KIFAP3: variants seen among roughly 807,000 people sequenced by gnomAD.
The protein encoded by KIFAP3 is kinesin associated protein 3.
In KIFAP3, 68 loss-of-function variants were observed where a neutral mutation model predicts 106.5. The ratio of observed to expected loss-of-function variants is 0.64; its 90% CI spans 0.53 to 0.78. The LOEUF (loss-of-function observed/expected upper bound fraction) is 0.78. Ranked by LOEUF, KIFAP3 falls within the 30% of genes least tolerant of loss-of-function variation. KIFAP3 has a pLI of 0.00. For synonymous variants in KIFAP3, 320 were observed against 311.5 expected (o/e 1.03, Z -0.29); for missense variants, 780 against 941.8 (o/e 0.83, Z 2.25).
At chr1:169,945,559 A>G (rs1267466609) in intron 19 of KIFAP3, among the ~76,000 whole-genome samples, 1 of 152,204 alleles carries the variant, frequency 6.6e-6, no homozygotes, top group African/African-American at 2.4e-5. Flanking sequence ...ATAAAGTTAC[A>G]ATAAATTTGG....
At chr1:170,037,157 A>T (rs1168970634) in intron 5 of KIFAP3, among the ~76,000 whole-genome samples, 1 of 152,238 alleles carries the variant, frequency 6.6e-6, no homozygotes, top group Non-Finnish European at 1.5e-5. Flanking sequence ...AGGGAACACT[A>T]AAACAATTCC....
chr1:169,923,138 G>A, intron 19 of KIFAP3: 1 of 975,136 alleles, frequency 1.0e-6, no homozygotes, highest in Non-Finnish European at 1.2e-6. Context: ...TTTGTACTGA[G>A]CGATTCTGGA....
chr1:170,063,505 C>T (rs1261864051), intron 1 of KIFAP3, among the ~76,000 whole-genome samples: 1 of 152,158 alleles, frequency 6.6e-6, no homozygotes, highest in Admixed American at 6.5e-5. Context: ...TTGAAAAACC[C>T]TAACTTCCAA....
In KIFAP3 at chr1:169,982,307, G is replaced by C. The variant is rs112253089; in HGVS notation, c.1673-210C>G. 8.4e-3 allele frequency among the ~76,000 whole-genome samples: 1,275 copies of C among 152,206 alleles called. 23 individuals are homozygous for C. Among genetic ancestry groups the C allele is most frequent in the African/African-American group, 0.028 (1,159 of 41,520 alleles). On this transcript the variant is annotated intron_variant, in intron 14 of 19. Transcript: ENST00000361580. ...AGTGGGGGCAGGGGGCAGTAGAAAAGTGGAAATGAGCCTTTGAGAGTACAA... is the reference window on the plus strand; with the variant it reads ...AGTGGGGGCAGGGGGCAGTAGAAAACTGGAAATGAGCCTTTGAGAGTACAA...
intron 1 of KIFAP3, among the ~76,000 whole-genome samples, chr1:170,069,973 G>A (rs576661664): frequency 6.6e-6 from 1 of 152,162 alleles, no homozygotes; most frequent in Admixed American, 6.5e-5. Context: ...AGCAAAGTTG[G>A]AGAATAGATC....
At chr1:170,080,582 A>G (rs1258678270) in intron 1 of KIFAP3, among the ~76,000 whole-genome samples, 1 of 152,128 alleles carries the variant, frequency 6.6e-6, no homozygotes, top group Admixed American at 6.5e-5. Flanking sequence ...AATAAAAAAT[A>G]AAGAATAGAA....
chr1:170,045,893 T>A (rs989479642), intron 3 of KIFAP3, among the ~76,000 whole-genome samples: 2 of 152,130 alleles, frequency 1.3e-5, no homozygotes, highest in Non-Finnish European at 2.9e-5. Flanking sequence ...ACAGACAGGA[T>A]CTCTGACATT....
chr1:169,992,060 C>G lies in KIFAP3; in HGVS notation c.1284+95G>C, dbSNP rs1416686339. ...ATTTGTAGTATTATTAAGAAGAGAA[C>G]TTTTTTAGAGAGAAAATCTTGACAA... On this transcript the variant is annotated intron_variant, in intron 11 of 19. Transcript: ENST00000361580. The G allele has an allele frequency of 5.3e-5, 28 of 524,932 alleles. No individual in the cohort carries two copies. The Admixed American group carries it at 6.0e-4, about 11-fold the overall frequency. 32.5% of individuals were successfully genotyped at this position (524,932 alleles called of 1,614,324 possible). A position where few individuals can be genotyped will look rare whatever the true frequency, so the allele number is the denominator to read the frequency against.
rs1282866810 is a variant in KIFAP3, at chr1:169,982,733, C to T, written c.1641G>A (p.Leu547=). ...TTAGTTTATCCTTGAGGTATGGAAC[C>T]AACTTATATTCTTTAAGAACCAATT... ...DWELVLKEYK[L]VPYLKDKLKP... The change falls in exon 14 of 20, where the codon TTG becomes TTA. Residue 547 remains leucine (L), a synonymous_variant. Coordinates refer to ENST00000361580, the MANE Select transcript of KIFAP3 (RefSeq NM_014970.4). 1.4e-5 allele frequency: 23 copies of T among 1,607,536 alleles called. No individual in the cohort carries two copies. Among genetic ancestry groups the T allele is most frequent in the African/African-American group, 2.7e-5 (2 of 74,556 alleles).
chr1:169,978,260 T>A, intron 15 of KIFAP3, 77 bp from the exon 16 acceptor site: 1 of 934,920 alleles, frequency 1.1e-6, no homozygotes, highest in Non-Finnish European at 1.7e-6. Context: ...GGGAATAATA[T>A]AGAACGAGAA....
chr1:170,055,341 T>A lies in KIFAP3; in HGVS notation c.128A>T (p.Asp43Val). 4 of 1,609,000 alleles carry A rather than the reference T, an allele frequency of 2.5e-6. No individual in the cohort carries two copies. The highest frequency in any genetic ancestry group is 1.7e-6 in the Non-Finnish European group (2 of 1,178,642). Residue 43 changes from aspartate (D) to valine (V), a missense_variant, in exon 2 of 20, where the codon GAC becomes GTC. By Grantham distance (152) the Asp-to-Val change is radical (BLOSUM62 -3). Transcript: ENST00000361580. The part of the protein sequence containing the change: ...VEATILGEMG[D>V]PMLGERKECQ... The stretch of plus-strand genomic sequence containing the variant: ...TTCTTTTCGTTCTCCCAACATGGGG[T>A]CCCCCATTTCTCCAAGAATGGTAGC...
intron 1 of KIFAP3, among the ~76,000 whole-genome samples, chr1:170,067,191 A>G (rs1270303334): frequency 6.6e-6 from 1 of 152,206 alleles, no homozygotes; most frequent in East Asian, 1.9e-4. Context: ...AAGCAAAAGT[A>G]TAATTCAGCA....
intron 16 of KIFAP3, among the ~76,000 whole-genome samples, chr1:169,974,124 C>T (rs1268802060): frequency 1.4e-4 from 21 of 150,896 alleles, no homozygotes; most frequent in Admixed American, 1.3e-3. Flanking sequence ...AGTTTGCATC[C>T]CAAAAGAAAA....
At chr1:169,964,288 AC>A (rs531813480) in intron 17 of KIFAP3, among the ~76,000 whole-genome samples, 114 of 152,272 alleles carry the variant, frequency 7.5e-4, no homozygotes, top group African/African-American at 2.7e-3. Context: ...TCAACATCTT[AC>A]AAATGAGAAA....
chr1:169,997,691 T>C (rs75314258), intron 10 of KIFAP3, among the ~76,000 whole-genome samples: 4,315 of 151,794 alleles, frequency 0.028, 173 homozygotes, highest in East Asian at 0.12. Flanking sequence ...GCCACCATGA[T>C]GAAACCCTGT....
chr1:169,957,692 A>T (rs1349303148), intron 18 of KIFAP3, among the ~76,000 whole-genome samples: 1 of 150,590 alleles, frequency 6.6e-6, no homozygotes, highest in Non-Finnish European at 1.5e-5. Context: ...CAGTGGTGTG[A>T]TCTTGGCACA....
intron 9 of KIFAP3, among the ~76,000 whole-genome samples, chr1:170,020,686 G>A (rs1468788988): frequency 2.0e-5 from 3 of 152,226 alleles, no homozygotes; most frequent in Admixed American, 1.3e-4. Context: ...CTGACCTCGT[G>A]ATCCATGCAA....
At chr1:170,059,699 C>T (rs1164707062) in intron 1 of KIFAP3, among the ~76,000 whole-genome samples, 1 of 152,028 alleles carries the variant, frequency 6.6e-6, no homozygotes, top group Non-Finnish European at 1.5e-5. Flanking sequence ...CAAAGCCTGG[C>T]AGAGACACAA....
At chr1:170,055,219 C>A (rs1190534487) in intron 2 of KIFAP3, 86 bp downstream of exon 2, 3 of 1,185,738 alleles carry the variant, frequency 2.5e-6, no homozygotes, top group Non-Finnish European at 3.5e-6. Context: ...TAATTAATCA[C>A]CTATGCTGAT....
Sources: allele counts gnomAD v4.1 joint callset (sites outside exome capture counted in the v4.1 genomes callset), GRCh38; gene constraint gnomAD v4.1.1; transcripts MANE v1.5; gene names NCBI Gene and HGNC (gene_info 2026-07-23, HGNC 2026-07-21).